The following RIN3 variants were observed in gnomAD, a reference collection of about 807,000 sequenced individuals.
RIN3 encodes the protein RAB5 interacting protein 3.
Under a neutral mutation model 76.3 loss-of-function variants are expected in RIN3, and 54 were observed. That is an observed-to-expected ratio of 0.71 (90% CI 0.57 to 0.89). The LOEUF (loss-of-function observed/expected upper bound fraction) is 0.89, where lower values mean the gene tolerates loss of function less well. Among genes scored for constraint, RIN3 ranks in the 40% least tolerant of loss-of-function variants. The probability of loss-of-function intolerance (pLI) is 0.00; values close to 1 mark genes in which losing one functional copy is unlikely to be tolerated. For missense variants in RIN3, 1,256 were observed against 1,322.1 expected, an observed-to-expected ratio of 0.95 and a Z score of 0.78; for synonymous variants, 576 against 564.0, an observed-to-expected ratio of 1.02 and a Z score of -0.30.
chr14:92,531,015 G>A (rs1014381609), intron 1 of RIN3, among the ~76,000 whole-genome samples: 2 of 152,098 alleles, frequency 1.3e-5, no homozygotes, highest in Non-Finnish European at 2.9e-5. Context: ...ACCTGGGTGG[G>A]ATGGGTGTGC....
intron 3 of RIN3, among the ~76,000 whole-genome samples, chr14:92,609,274 G>A (rs1156901004): frequency 1.3e-5 from 2 of 152,172 alleles, no homozygotes; most frequent in Admixed American, 6.5e-5. Flanking sequence ...TGTGTACCCA[G>A]CATCTCTACC....
chr14:92,515,074 T>C, intron 1 of RIN3: 2 of 575,084 alleles, frequency 3.5e-6, no homozygotes, highest in Non-Finnish European at 6.2e-6. Context: ...GGTGACTGGC[T>C]CTCACTCAGC....
At position 92,685,058 on chromosome 14, in the gene RIN3, C is replaced by G; in HGVS notation, c.2539C>G (p.Arg847Gly). The part of the protein sequence containing the change: ...IKSYDKITVT[R>G]QLSVEVQDSI... ...GAGCTACGACAAGATCACGGTGACC[C>G]GGCAGCTGAGTGTGGAGGTGCAGGA... is the stretch of plus-strand genomic sequence containing the variant. Residue 847 changes from arginine to glycine, a missense_variant, in exon 9 of 10, where the codon CGG becomes GGG. This residue lies in a region of RIN3 where 428 missense variants were observed against 521.2 expected (regional missense o/e 0.82). Transcript: ENST00000216487. This position sits in a 1 kb window ranked among gnomAD's most constrained non-coding sequence, Gnocchi z 4.7. 1 of 1,614,014 alleles carries G rather than the reference C, an allele frequency of 6.2e-7. No individual in the cohort carries two copies. The highest frequency in any genetic ancestry group is 8.5e-7 in the Non-Finnish European group (1 of 1,179,986).
At chr14:92,567,268 T>C (rs1897938234) in intron 2 of RIN3, among the ~76,000 whole-genome samples, 1 of 152,234 alleles carries the variant, frequency 6.6e-6, no homozygotes, top group Non-Finnish European at 1.5e-5. Context: ...GGCTATACCA[T>C]TACCTACTTT....
chr14:92,688,834 C>T lies in RIN3; in HGVS notation c.*582C>T, dbSNP rs769352409. On this transcript the variant is annotated 3_prime_UTR_variant, in exon 10 of 10. Coordinates refer to ENST00000216487, the MANE Select transcript of RIN3 (RefSeq NM_024832.5). ...GCCCGGCAAGAAGCAGCTAGACACA[C>T]GCCAGGGCGCCAAGCACGGCCAGCT... 19 of 154,260 alleles carry T rather than the reference C, an allele frequency of 1.2e-4. No individual in the cohort carries two copies. Among genetic ancestry groups the T allele is most frequent in the Non-Finnish European group, 2.4e-4 (17 of 69,588 alleles). 9.6% of individuals were successfully genotyped at this position (154,260 alleles called of 1,614,324 possible). A position where few individuals can be genotyped will look rare whatever the true frequency, so the allele number is the denominator to read the frequency against.
rs376695836 is a variant in RIN3 at position 92,688,066 on chromosome 14, C to G, written c.2772C>G (p.Phe924Leu). The change falls in exon 10 of 10, where the codon TTC (phenylalanine) becomes TTG (leucine). Residue 924 changes from phenylalanine to leucine, a missense_variant. This residue lies in a region of RIN3 where 218 missense variants were observed against 174.5 expected (regional missense o/e 1.25). Coordinates refer to ENST00000216487, the MANE Select transcript of RIN3 (RefSeq NM_024832.5). ...AGCGGCCGCAGGCGCACCGGCTGTT[C>G]GTGCTGGTGGACGGGCGCTGCTTCC... ...AVERPQAHRLFVLVDGRCFQL... is the reference protein window; with the variant it reads ...AVERPQAHRLLVLVDGRCFQL... The G allele has an allele frequency of 3.2e-4, 519 of 1,604,520 alleles. No homozygotes were observed. The highest frequency in any genetic ancestry group is 4.3e-4 in the Non-Finnish European group (505 of 1,176,732).
intron 7 of RIN3, among the ~76,000 whole-genome samples, chr14:92,665,554 C>T (rs1271141141): frequency 2.0e-5 from 3 of 151,034 alleles, no homozygotes; most frequent in South Asian, 2.1e-4. Context: ...AATTTTTTTT[C>T]GTATTTTTAG....
At chr14:92,631,725 C>T (rs11621441) in intron 4 of RIN3, among the ~76,000 whole-genome samples, 13,690 of 152,088 alleles carry the variant, frequency 0.09, 865 homozygotes, top group East Asian at 0.27. Flanking sequence ...CTCAGCCTCC[C>T]GAGTAGCTGA....
At chr14:92,646,268 A>G (rs899944038) in intron 5 of RIN3, among the ~76,000 whole-genome samples, 1 of 152,154 alleles carries the variant, frequency 6.6e-6, no homozygotes, top group Non-Finnish European at 1.5e-5. Flanking sequence ...CCGTGCCTGC[A>G]GTGGAAAACA....
chr14:92,617,255 G>A (rs753508224), intron 4 of RIN3, among the ~76,000 whole-genome samples: 8 of 151,870 alleles, frequency 5.3e-5, no homozygotes, highest in South Asian at 2.1e-4. Flanking sequence ...AACCAAGATC[G>A]TACCATTGCA....
chr14:92,668,471 T>C (rs1888183536), intron 7 of RIN3, among the ~76,000 whole-genome samples: 1 of 152,184 alleles, frequency 6.6e-6, no homozygotes, highest in Non-Finnish European at 1.5e-5. Flanking sequence ...CCCAGGGAGC[T>C]GGAGTGTTTT....
chr14:92,611,142 A>C (rs987804485), intron 3 of RIN3, among the ~76,000 whole-genome samples: 1 of 152,136 alleles, frequency 6.6e-6, no homozygotes. Flanking sequence ...CTGCGGAAGC[A>C]TCTGTTCCAT....
At chr14:92,668,515 G>C (rs1490654322) in intron 7 of RIN3, among the ~76,000 whole-genome samples, 1 of 152,028 alleles carries the variant, frequency 6.6e-6, no homozygotes, top group Non-Finnish European at 1.5e-5. Flanking sequence ...GAGCAGAACT[G>C]AGACTTAACC....
chr14:92,597,832 C>T (rs771888208), intron 3 of RIN3, among the ~76,000 whole-genome samples: 9 of 152,156 alleles, frequency 5.9e-5, no homozygotes, highest in Non-Finnish European at 8.8e-5. Flanking sequence ...TGAGTTATGA[C>T]GCAAAATATT....
Position 92,685,066 on chromosome 14 carries a change from G to A in RIN3, c.2547G>A (p.Leu849=). The A allele has an allele frequency of 6.2e-7, 1 of 1,613,998 alleles. No individual in the cohort carries two copies. Among genetic ancestry groups the A allele is most frequent in the Non-Finnish European group, 8.5e-7 (1 of 1,179,986 alleles). The part of the protein sequence containing the change: ...SYDKITVTRQ[L]SVEVQDSIHR... Reference sequence around the variant, plus strand: ...ACAAGATCACGGTGACCCGGCAGCTGAGTGTGGAGGTGCAGGACTCCATCC... The same window carrying A: ...ACAAGATCACGGTGACCCGGCAGCTAAGTGTGGAGGTGCAGGACTCCATCC... Residue 849 remains leucine (L), a synonymous_variant, in exon 9 of 10, where the codon CTG becomes CTA. Transcript: ENST00000216487. This position sits in a 1 kb window ranked among gnomAD's most constrained non-coding sequence, Gnocchi z 4.7.
chr14:92,593,372 A>T (rs758071493), intron 3 of RIN3, among the ~76,000 whole-genome samples: 1 of 152,198 alleles, frequency 6.6e-6, no homozygotes, highest in African/African-American at 2.4e-5. Context: ...TAAAAGAGAG[A>T]GGTTGTCAGA....
At position 92,656,183 on chromosome 14, in the gene RIN3, G is replaced by GAGTC. The variant is rs940706212; in HGVS notation, c.2027-2975_2027-2972dup. On this transcript the variant is annotated intron_variant, in intron 6 of 9. Coordinates refer to ENST00000216487, the MANE Select transcript of RIN3 (RefSeq NM_024832.5). This position sits in a 1 kb window ranked among gnomAD's most constrained non-coding sequence, Gnocchi z 5.2. ...GTGTAAGAGCTGAGGCCCAAAGGAGGAGTCAGGGATGCTAAGCCGTGGAAA... is the reference window on the plus strand; with the variant it reads ...GTGTAAGAGCTGAGGCCCAAAGGAGGAGTCAGTCAGGGATGCTAAGCCGTGGAAA... 3.9e-5 allele frequency among the ~76,000 whole-genome samples: 6 copies of GAGTC among 152,336 alleles called. No individual in the cohort carries two copies. The highest frequency in any genetic ancestry group is 1.4e-4 in the African/African-American group (6 of 41,570).
Position 92,688,003 on chromosome 14 carries a change from GGCGCTGTGC to G in RIN3, c.2714_2722del (p.Leu905_Ala907del). 1.3e-6 allele frequency: 2 copies of G among 1,572,654 alleles called. No homozygotes were observed. Among genetic ancestry groups the G allele is most frequent in the Non-Finnish European group, 1.7e-6 (2 of 1,160,460 alleles). On this transcript the variant is annotated inframe_deletion, in exon 10 of 10. Transcript: ENST00000216487. ...CGTCGCGGGCGGACACCCAGGCCCA[GGCGCTGTGC>G]GCGCAGTGCGCGGAGAAGTTCGCGG...
At position 92,677,894 on chromosome 14, in the gene RIN3, A is replaced by G. The variant is rs372410495; in HGVS notation, c.2467+1288A>G. On this transcript the variant is annotated intron_variant, in intron 8 of 9. Transcript: ENST00000216487. ...CACCCACCTATCCATCTATCCATCT[A>G]TACGTCCACCCACCCATCCGTCATC... 1.9e-4 allele frequency among the ~76,000 whole-genome samples: 29 copies of G among 149,988 alleles called. 1 individual carries two copies. The East Asian group carries it at 3.4e-3, about 17-fold the overall frequency.
Sources: gnomAD v4.1 joint callset for allele counts (sites outside exome capture counted in the v4.1 genomes callset) on GRCh38, gnomAD v4.1.1 for gene constraint, gnomAD v4.1.1 regional missense constraint, Gnocchi (gnomAD v3.1) non-coding constraint, MANE v1.5 for transcripts, NCBI Gene and HGNC (gene_info 2026-07-23, HGNC 2026-07-21) for gene names.